Variants in EZH2 observed in about 807,000 individuals in gnomAD.
The protein encoded by EZH2 is enhancer of zeste 2 polycomb repressive complex 2 subunit.
A neutral mutation model predicts 98.4 loss-of-function variants in EZH2; 18 were observed. The observed-to-expected ratio is 0.18, with a 90% CI of 0.13 to 0.27. The LOEUF is 0.27. EZH2 is among the 10% of genes least tolerant of loss of function. EZH2 has a pLI of 1.00. For missense variants in EZH2, 470 were observed against 935.1 expected (o/e 0.50, Z 6.49); for synonymous variants, 338 against 312.3 (o/e 1.08, Z -0.87).
At chr7:148,845,047 T>C (rs1281740642) in intron 3 of EZH2, among the ~76,000 whole-genome samples, 1 of 152,214 alleles carries the variant, frequency 6.6e-6, no homozygotes, top group East Asian at 1.9e-4. Context: ...ACACAATTCA[T>C]TATTGCTGTT....
chr7:148,879,245 A>C (rs923528832), intron 1 of EZH2, among the ~76,000 whole-genome samples: 10 of 151,362 alleles, frequency 6.6e-5, no homozygotes, highest in African/African-American at 2.4e-4. Context: ...AAACAAAAAC[A>C]AAAAACAAAA....
chr7:148,814,642 CTTAAT>C (rs1804063902), intron 14 of EZH2, among the ~76,000 whole-genome samples: 1 of 152,138 alleles, frequency 6.6e-6, no homozygotes, highest in Admixed American at 6.5e-5. Flanking sequence ...TTTAATACAA[CTTAAT>C]TTAAATGATC....
chr7:148,807,765 C>T, intron 19 of EZH2, 59 bp from the exon 20 acceptor site: 1 of 1,085,934 alleles, frequency 9.2e-7, no homozygotes, highest in Admixed American at 2.0e-5. Context: ...TGTGCTGAGA[C>T]TTAACACAAC....
At position 148,871,204 on chromosome 7, in the gene EZH2, A is replaced by G. The variant is rs1045804790; in HGVS notation, c.-8+12960T>C. 7.2e-5 allele frequency among the ~76,000 whole-genome samples: 11 copies of G among 152,112 alleles called. No individual in the cohort carries two copies. In the East Asian group the frequency reaches 7.7e-4, roughly 11 times the overall value. On this transcript the variant is annotated intron_variant, in intron 1 of 19. Coordinates refer to ENST00000320356, the MANE Select transcript of EZH2 (RefSeq NM_004456.5). ...GAAACAGAAAATAACAAGTGTTGGC[A>G]AGGATGCAGAGACATCGAAACCTTT...
chr7:148,845,364 T>G (rs1813724479), intron 3 of EZH2, among the ~76,000 whole-genome samples: 1 of 152,180 alleles, frequency 6.6e-6, no homozygotes, highest in Non-Finnish European at 1.5e-5. Context: ...CTGTACCAGA[T>G]GAGGAGGAAA....
chr7:148,861,798 T>C (rs910164672), intron 1 of EZH2, among the ~76,000 whole-genome samples: 4 of 98,636 alleles, frequency 4.1e-5, no homozygotes, highest in African/African-American at 1.5e-4. Flanking sequence ...TAGCCTTCTT[T>C]TATTTAAAAA....
chr7:148,870,793 G>A (rs1252837276), intron 1 of EZH2, among the ~76,000 whole-genome samples: 1 of 152,052 alleles, frequency 6.6e-6, no homozygotes, highest in Admixed American at 6.6e-5. Context: ...GCCAGGTGTG[G>A]TGGTGCATAC....
Position 148,816,725 on chromosome 7 carries a change from C to T in EZH2, c.1464G>A (p.Glu488=). Residue 488 remains glutamate (E), a synonymous_variant, in exon 12 of 20, where the codon GAG becomes GAA. Coordinates refer to ENST00000320356, the MANE Select transcript of EZH2 (RefSeq NM_004456.5). The part of the protein sequence containing the change: ...ESSIIAPAPA[E]DVDTPPRKKK... Reference sequence around the variant, plus strand: ...TTTTCCTTGGAGGAGTATCCACATCCTCAGCGGGAGCTGGAGCTATGATGC... The same window carrying T: ...TTTTCCTTGGAGGAGTATCCACATCTTCAGCGGGAGCTGGAGCTATGATGC... 6.2e-7 allele frequency: 1 copy of T among 1,614,160 alleles called. No individual in the cohort carries two copies. Among genetic ancestry groups the T allele is most frequent in the Non-Finnish European group, 8.5e-7 (1 of 1,179,986 alleles).
At position 148,818,085 on chromosome 7, in the gene EZH2, G is replaced by A. The variant is rs141224787; in HGVS notation, c.1032C>T (p.Thr344=). ...TTGGTGGGGTCTTTATCCGCTCAGC[G>A]GTGAGAGCAGCAGCAAACTCCTTTG... is the stretch of plus-strand genomic sequence containing the variant. The part of the protein sequence containing the change: ...EGAKEFAAAL[T]AERIKTPPKR... Residue 344 remains threonine (T), a synonymous_variant, in exon 10 of 20, where the codon ACC becomes ACT. Coordinates refer to ENST00000320356, the MANE Select transcript of EZH2 (RefSeq NM_004456.5). 114 of 1,607,778 alleles carry A rather than the reference G, an allele frequency of 7.1e-5. No homozygotes were observed. Among genetic ancestry groups the A allele is most frequent in the Admixed American group, 1.7e-4 (10 of 58,970 alleles).
chr7:148,853,167 T>C lies in EZH2; in HGVS notation c.-7-5862A>G, dbSNP rs552911479. On this transcript the variant is annotated intron_variant, in intron 1 of 19. Coordinates refer to ENST00000320356, the MANE Select transcript of EZH2 (RefSeq NM_004456.5). The stretch of plus-strand genomic sequence containing the variant: ...GGCATGGTGGCTCATATCCCAGCAC[T>C]TTGGGAGGCCAAGGCAGGCAGATCA... 2.0e-5 allele frequency among the ~76,000 whole-genome samples: 3 copies of C among 152,290 alleles called. No individual in the cohort carries two copies. In the South Asian group the frequency reaches 6.2e-4, roughly 32 times the overall value.
At chr7:148,851,773 A>C (rs1815833344) in intron 1 of EZH2, among the ~76,000 whole-genome samples, 1 of 152,186 alleles carries the variant, frequency 6.6e-6, no homozygotes, top group Non-Finnish European at 1.5e-5. Context: ...CAGGAAGCTG[A>C]GGTGGGAGGA....
At chr7:148,883,967 A>C (rs1251987782) in intron 1 of EZH2, 197 bp downstream of exon 1, 2 of 151,748 alleles carry the variant, frequency 1.3e-5, no homozygotes, top group African/African-American at 2.4e-5. Context: ...CCCGAAGCTC[A>C]CAGCTCCTTC....
chr7:148,815,842 T>G (rs1374910548), intron 12 of EZH2, among the ~76,000 whole-genome samples: 1 of 152,228 alleles, frequency 6.6e-6, no homozygotes, highest in Non-Finnish European at 1.5e-5. Context: ...GTTGATTTAT[T>G]CTGATGTGGA....
chr7:148,826,015 T>C (rs1807586431), intron 8 of EZH2, among the ~76,000 whole-genome samples: 3 of 152,198 alleles, frequency 2.0e-5, no homozygotes, highest in South Asian at 4.1e-4. Flanking sequence ...AAAAACAACT[T>C]ACCCAGAGGG....
In EZH2 at chr7:148,861,228, C is replaced by CT. The variant is rs200267826; in HGVS notation, c.-7-13924dup. On this transcript the variant is annotated intron_variant, in intron 1 of 19. Transcript: ENST00000320356. ...CCTTGTTATACTGTATTATTTGTATCTTTTTTTTTTTTTTTGGAGACAGAG... is the reference window on the plus strand; with the variant it reads ...CCTTGTTATACTGTATTATTTGTATCTTTTTTTTTTTTTTTTGGAGACAGAG... Among the ~76,000 whole-genome samples the CT allele has an allele frequency of 6.2e-3, 825 of 133,396 alleles. 9 individuals carry two copies. Among genetic ancestry groups the CT allele is most frequent in the East Asian group, 0.034 (161 of 4,696 alleles). 87.5% of individuals were successfully genotyped at this position (133,396 alleles called of 152,430 possible).
chr7:148,841,434 A>G (rs755978758), intron 3 of EZH2, among the ~76,000 whole-genome samples: 2 of 152,196 alleles, frequency 1.3e-5, no homozygotes, highest in African/African-American at 2.4e-5. Context: ...GAGCTACAGA[A>G]AGCAACTCAG....
chr7:148,857,044 T>C (rs1247939312), intron 1 of EZH2, among the ~76,000 whole-genome samples: 1 of 152,236 alleles, frequency 6.6e-6, no homozygotes, highest in Non-Finnish European at 1.5e-5. Flanking sequence ...CTGCTGTCAT[T>C]ATGTACTCCC....
intron 3 of EZH2, among the ~76,000 whole-genome samples, chr7:148,841,487 G>C (rs556116914): frequency 3.9e-5 from 6 of 152,268 alleles, no homozygotes; most frequent in South Asian, 4.1e-4. Flanking sequence ...TATATGTTCA[G>C]ACTAAGAGTA....
chr7:148,865,053 G>A (rs1818243437), intron 1 of EZH2, among the ~76,000 whole-genome samples: 1 of 151,820 alleles, frequency 6.6e-6, no homozygotes, highest in Non-Finnish European at 1.5e-5. Flanking sequence ...CTTGAACCTA[G>A]GAGGCAGAGG....
Sources: gnomAD v4.1 joint callset for allele counts (sites outside exome capture counted in the v4.1 genomes callset) on GRCh38, gnomAD v4.1.1 for gene constraint, MANE v1.5 for transcripts, NCBI Gene and HGNC (gene_info 2026-07-23, HGNC 2026-07-21) for gene names.